The following TTC27 variants were observed in gnomAD, a reference collection of about 807,000 sequenced individuals.
The protein encoded by TTC27 is tetratricopeptide repeat domain 27, also known as tetratricopeptide repeat protein 27.
A neutral mutation model predicts 115.9 loss-of-function variants in TTC27; 79 were observed. That is an observed-to-expected ratio of 0.68 (90% CI 0.57 to 0.82). The LOEUF is 0.82. TTC27 is among the 40% of genes least tolerant of loss of function. TTC27 has a pLI of 0.00. For synonymous variants in TTC27, 401 were observed against 356.0 expected (o/e 1.13, Z -1.42); for missense variants, 1,054 against 993.1 (o/e 1.06, Z -0.82).
chr2:32,648,327 T>A (rs1038463079), intron 4 of TTC27, among the ~76,000 whole-genome samples: 1 of 151,852 alleles, frequency 6.6e-6, no homozygotes, highest in Non-Finnish European at 1.5e-5. Flanking sequence ...CCGGGTTTCA[T>A]CATGTTAGCC....
intron 9 of TTC27, among the ~76,000 whole-genome samples, chr2:32,681,903 A>G (rs1188664567): frequency 6.6e-6 from 1 of 151,036 alleles, no homozygotes; most frequent in African/African-American, 2.4e-5. Flanking sequence ...TGAGCTCTTG[A>G]ACTTTTATTT....
chr2:32,772,775 C>T (rs547165249), intron 13 of TTC27, among the ~76,000 whole-genome samples: 1 of 152,166 alleles, frequency 6.6e-6, no homozygotes, highest in Admixed American at 6.5e-5. Flanking sequence ...ATATTCCATT[C>T]TATTGTCAAT....
rs1311801025 is a variant in TTC27, at chr2:32,664,426, A to G, written c.764A>G (p.Asp255Gly). ...YEYRKAKDQL[D>G]IAKDISQLQI... The stretch of plus-strand genomic sequence containing the variant: ...TACAGAAAAGCAAAAGATCAGTTGG[A>G]TATTGCTAAGGACATCAGCCAATTA... Residue 255 changes from aspartate (D) to glycine (G), a missense_variant, in exon 6 of 20, where the codon GAT becomes GGT. Coordinates refer to ENST00000317907, the MANE Select transcript of TTC27 (RefSeq NM_017735.5). The G allele has an allele frequency of 6.2e-7, 1 of 1,611,826 alleles. No individual in the cohort carries two copies. Among genetic ancestry groups the G allele is most frequent in the Non-Finnish European group, 8.5e-7 (1 of 1,179,434 alleles).
At chr2:32,782,783 C>T (rs1013865364) in intron 15 of TTC27, 105 bp downstream of exon 15, 114 of 880,864 alleles carry the variant, frequency 1.3e-4, no homozygotes, top group African/African-American at 9.0e-4. Context: ...TTACCTTTCT[C>T]GCCCATGTAT....
chr2:32,745,590 A>G (rs1572570947), intron 12 of TTC27, among the ~76,000 whole-genome samples: 1 of 152,148 alleles, frequency 6.6e-6, no homozygotes, highest in African/African-American at 2.4e-5. Context: ...TTAATGACCT[A>G]AATCTGAAGT....
At chr2:32,636,414 A>G (rs1664429489) in intron 3 of TTC27, among the ~76,000 whole-genome samples, 1 of 152,062 alleles carries the variant, frequency 6.6e-6, no homozygotes, top group East Asian at 1.9e-4. Context: ...GGGTTTCACC[A>G]TGTTGGCCAG....
In TTC27 at chr2:32,698,435, G is replaced by GTTATTATTATTATTA. The variant is rs372830080; in HGVS notation, c.1120-4363_1120-4349dup. 6.4e-3 allele frequency among the ~76,000 whole-genome samples: 938 copies of GTTATTATTATTATTA among 145,468 alleles called. 6 individuals carry two copies. The highest frequency in any genetic ancestry group is 0.022 in the East Asian group (107 of 4,830). ...TTAAGCCATCTCACCCAGCCATAAA[G>GTTATTATTATTATTA]TTATTATTATTATTATTATTATTTT... On this transcript the variant is annotated intron_variant, in intron 9 of 19. Coordinates refer to ENST00000317907, the MANE Select transcript of TTC27 (RefSeq NM_017735.5).
intron 9 of TTC27, among the ~76,000 whole-genome samples, chr2:32,681,980 A>ATATG (rs1666444157): frequency 2.2e-5 from 2 of 89,988 alleles, no homozygotes; most frequent in Admixed American, 2.2e-4. Flanking sequence ...ATGTATATAT[A>ATATG]TGTGTGTGTG....
chr2:32,738,596 A>G (rs1212383531), intron 12 of TTC27, among the ~76,000 whole-genome samples: 1 of 152,220 alleles, frequency 6.6e-6, no homozygotes, highest in African/African-American at 2.4e-5. Flanking sequence ...GTTGTGGACA[A>G]GGTGTCAGCA....
chr2:32,650,604 A>G (rs1256439687), intron 5 of TTC27, among the ~76,000 whole-genome samples: 3 of 151,920 alleles, frequency 2.0e-5, no homozygotes, highest in East Asian at 1.9e-4. Context: ...TTTTTTAAAA[A>G]AAGTCCTTAA....
At chr2:32,797,815 T>C (rs866525482) in intron 16 of TTC27, among the ~76,000 whole-genome samples, 1 of 151,672 alleles carries the variant, frequency 6.6e-6, no homozygotes, top group South Asian at 2.1e-4. Context: ...ATCAACGGAG[T>C]AAAAAGCCAA....
rs1670048849 is a variant in TTC27, at chr2:32,777,874, C to T, written c.1681-8C>T. ...TGTTTGAATGACTTTGACTTTTGGT[C>T]TTTGCAGCTCGGGGTGTGGTTTTCT... On this transcript the variant is annotated splice_region_variant and splice_polypyrimidine_tract_variant and intron_variant, in intron 13 of 19. Transcript: ENST00000317907. 3 of 1,613,348 alleles carry T rather than the reference C, an allele frequency of 1.9e-6. No individual in the cohort carries two copies. The highest frequency in any genetic ancestry group is 1.3e-5 in the African/African-American group (1 of 74,800).
In TTC27 at chr2:32,736,695, G is replaced by A. The variant is rs142785786; in HGVS notation, c.1331G>A (p.Arg444His). The A allele has an allele frequency of 1.7e-4, 270 of 1,613,498 alleles. No homozygotes were observed. The highest frequency in any genetic ancestry group is 3.3e-4 in the Middle Eastern group (2 of 6,062). Residue 444 changes from arginine (R) to histidine (H), a missense_variant and splice_region_variant, in exon 12 of 20, where the codon CGC becomes CAC. Arg to His is a conservative substitution (Grantham distance 29). Coordinates refer to ENST00000317907, the MANE Select transcript of TTC27 (RefSeq NM_017735.5). ...ATTATTTTTACTTGATTTTTCTAGC[G>A]CCAACTTGCAAGTTTGCTCTTTGAG... The part of the protein sequence containing the change: ...CQVPPHWAIQ[R>H]QLASLLFELG...
chr2:32,788,932 A>G (rs1045559746), intron 16 of TTC27, among the ~76,000 whole-genome samples: 1 of 152,108 alleles, frequency 6.6e-6, no homozygotes, highest in Admixed American at 6.6e-5. Context: ...AATAATTAAT[A>G]TTTACTGAGG....
chr2:32,756,961 T>G (rs965143550), intron 12 of TTC27, among the ~76,000 whole-genome samples: 9 of 152,174 alleles, frequency 5.9e-5, no homozygotes, highest in Non-Finnish European at 1.3e-4. Flanking sequence ...ATGAGGTAGC[T>G]CCAAACTGTG....
chr2:32,701,547 G>T (rs566826998), intron 9 of TTC27, among the ~76,000 whole-genome samples: 18 of 152,222 alleles, frequency 1.2e-4, no homozygotes, highest in Middle Eastern at 3.4e-3. Flanking sequence ...TTGTAAGGGG[G>T]TTGGTCTATA....
At chr2:32,647,071 A>G (rs1178224740) in intron 4 of TTC27, among the ~76,000 whole-genome samples, 4 of 149,796 alleles carry the variant, frequency 2.7e-5, no homozygotes, top group Non-Finnish European at 5.9e-5. Flanking sequence ...TAAACTCCTG[A>G]GTAGCTAGGT....
intron 10 of TTC27, among the ~76,000 whole-genome samples, chr2:32,711,641 T>C (rs145947894): frequency 9.2e-5 from 14 of 152,278 alleles, no homozygotes; most frequent in African/African-American, 3.1e-4. Flanking sequence ...AATGGTAAAC[T>C]TAAAACTTGA....
intron 18 of TTC27, among the ~76,000 whole-genome samples, chr2:32,815,303 C>G (rs928839124): frequency 8.0e-6 from 1 of 125,076 alleles, no homozygotes; most frequent in Non-Finnish European, 1.6e-5. Flanking sequence ...GTGGCGCGAT[C>G]TCGGCTCACT....
Sources: gnomAD v4.1 joint callset for allele counts (sites outside exome capture counted in the v4.1 genomes callset) on GRCh38, gnomAD v4.1.1 for gene constraint, MANE v1.5 for transcripts, NCBI Gene and HGNC (gene_info 2026-07-23, HGNC 2026-07-21) for gene names.